The following DNAJC2 variants were observed in gnomAD, a reference collection of about 807,000 sequenced individuals.
The protein encoded by DNAJC2 is DnaJ heat shock protein family (Hsp40) member C2, also known as dnaJ homolog subfamily C member 2.
DNAJC2 carries 32 observed loss-of-function variants against 94.0 expected under a neutral mutation model. The ratio of observed to expected loss-of-function variants is 0.34; its 90% CI spans 0.26 to 0.46. The LOEUF (loss-of-function observed/expected upper bound fraction) is 0.46. Ranked by LOEUF, DNAJC2 falls within the 20% of genes least tolerant of loss-of-function variation. The pLI is 1.00. For missense variants in DNAJC2, 550 were observed against 719.5 expected, an observed-to-expected ratio of 0.76 and a Z score of 2.69; for synonymous variants, 210 against 229.7, an observed-to-expected ratio of 0.91 and a Z score of 0.77.
chr7:103,330,841 C>CAA (rs1818940249), intron 3 of DNAJC2, among the ~76,000 whole-genome samples: 1 of 151,936 alleles, frequency 6.6e-6, no homozygotes, highest in South Asian at 2.1e-4. Flanking sequence ...CCTGGCCTCC[C>CAA]AAAGTGCTAG....
At chr7:103,326,783 T>G in intron 4 of DNAJC2, 99 bp from the exon 5 acceptor site, 1 of 1,255,794 alleles carries the variant, frequency 8.0e-7, no homozygotes. Flanking sequence ...AAGTCATTAA[T>G]TTTCATATTT....
chr7:103,325,700 C>T (rs1490147365), intron 5 of DNAJC2, among the ~76,000 whole-genome samples: 1 of 152,086 alleles, frequency 6.6e-6, no homozygotes, highest in Non-Finnish European at 1.5e-5. Context: ...TTTAAGGGAA[C>T]CTGCCAATGC....
At chr7:103,320,000 C>T (rs922030299) in intron 10 of DNAJC2, among the ~76,000 whole-genome samples, 156 bp from the exon 11 acceptor site, 5 of 152,188 alleles carry the variant, frequency 3.3e-5, no homozygotes, top group African/African-American at 9.7e-5. Context: ...CGCCACTGCA[C>T]TCCAGCCTGG....
chr7:103,337,808 G>C lies in DNAJC2; in HGVS notation c.259C>G (p.Gln87Glu). The C allele has an allele frequency of 1.2e-6, 2 of 1,611,248 alleles. No individual in the cohort carries two copies. The highest frequency in any genetic ancestry group is 1.7e-6 in the Non-Finnish European group (2 of 1,179,144). Residue 87 changes from glutamine (Q) to glutamate (E), a missense_variant, in exon 3 of 17, where the codon CAA (glutamine) becomes GAA (glutamate). Transcript: ENST00000379263. ...KTLDPKDWKNQDHYAVLGLGH... is the reference protein window; with the variant it reads ...KTLDPKDWKNEDHYAVLGLGH... ...AGTCCAAGAACTGCATAATGATCTT[G>C]GTTCTGGAAAAAAAACACAAAAGGG... is the stretch of plus-strand genomic sequence containing the variant.
chr7:103,316,693 C>T (rs1472229688), intron 13 of DNAJC2, 137 bp downstream of exon 13: 5 of 722,222 alleles, frequency 6.9e-6, no homozygotes, highest in Non-Finnish European at 1.1e-5. Flanking sequence ...ATGCACCTCA[C>T]TTTTCACACT....
chr7:103,343,551 T>C (rs888627666), intron 1 of DNAJC2, among the ~76,000 whole-genome samples: 4 of 152,136 alleles, frequency 2.6e-5, no homozygotes, highest in African/African-American at 9.7e-5. Flanking sequence ...ACAATACCTA[T>C]TTATCTCATT....
At chr7:103,323,053 C>T (rs985581813) in intron 7 of DNAJC2, among the ~76,000 whole-genome samples, 2 of 151,994 alleles carry the variant, frequency 1.3e-5, no homozygotes, top group South Asian at 2.1e-4. Context: ...CCTCAGCCTC[C>T]GGAGTAGCTG....
At chr7:103,320,441 G>GT (rs1554566542) in intron 10 of DNAJC2, among the ~76,000 whole-genome samples, 1 of 151,876 alleles carries the variant, frequency 6.6e-6, no homozygotes, top group African/African-American at 2.4e-5. Context: ...AACCCTGATA[G>GT]TTTTTTTCTA....
At chr7:103,344,090 T>A (rs1393285635) in intron 1 of DNAJC2, among the ~76,000 whole-genome samples, 1 of 152,148 alleles carries the variant, frequency 6.6e-6, no homozygotes, top group African/African-American at 2.4e-5. Flanking sequence ...ACACCGAGTA[T>A]GAGGAGCGGT....
intron 3 of DNAJC2, among the ~76,000 whole-genome samples, chr7:103,334,375 A>T (rs1819086036): frequency 6.6e-6 from 1 of 151,646 alleles, no homozygotes; most frequent in Non-Finnish European, 1.5e-5. Context: ...CAGCCTGGTC[A>T]ACGTGGTGAA....
chr7:103,312,349 T>C lies in DNAJC2; in HGVS notation c.*220A>G, dbSNP rs1194027086. 6.3e-6 allele frequency: 10 copies of C among 1,576,732 alleles called. No individual in the cohort carries two copies. The East Asian group carries it at 2.0e-4, about 32-fold the overall frequency. On this transcript the variant is annotated 3_prime_UTR_variant, in exon 17 of 17. Transcript: ENST00000379263. ...AGAAAAATAAAAATGAACATGTATATACATTTGGAAATTTGAATTAAATAC... is the reference window on the plus strand; with the variant it reads ...AGAAAAATAAAAATGAACATGTATACACATTTGGAAATTTGAATTAAATAC...
rs1350058069 is a variant in DNAJC2, at chr7:103,322,633, C to CT, written c.812-2dup. 6.2e-7 allele frequency: 1 copy of CT among 1,612,896 alleles called. No individual in the cohort carries two copies. Among genetic ancestry groups the CT allele is most frequent in the African/African-American group, 1.3e-5 (1 of 74,810 alleles). On this transcript the variant is annotated splice_acceptor_variant, in intron 8 of 16. Coordinates refer to ENST00000379263, the MANE Select transcript of DNAJC2 (RefSeq NM_014377.3). LOFTEE classifies it high-confidence loss of function. ...CTTGGATCACAGCTGTATGCATTGTCTAGCAAAAGAAAAAGTTAATCTCAT... is the reference window on the plus strand; with the variant it reads ...CTTGGATCACAGCTGTATGCATTGTCTTAGCAAAAGAAAAAGTTAATCTCAT...
chr7:103,338,421 C>T (rs972633966), intron 2 of DNAJC2, among the ~76,000 whole-genome samples: 3 of 148,740 alleles, frequency 2.0e-5, no homozygotes, highest in Admixed American at 1.3e-4. Flanking sequence ...CTCAGCCTTC[C>T]AAGTTGCTGG....
chr7:103,321,527 A>C (rs1335257353), intron 10 of DNAJC2, among the ~76,000 whole-genome samples: 1 of 151,742 alleles, frequency 6.6e-6, no homozygotes, highest in Non-Finnish European at 1.5e-5. Context: ...CAAATAAATA[A>C]ATAAATAAAA....
chr7:103,316,707 C>G, intron 13 of DNAJC2, 123 bp downstream of exon 13: 1 of 819,086 alleles, frequency 1.2e-6, no homozygotes, highest in South Asian at 1.8e-5. Flanking sequence ...TCACACTTTT[C>G]TGCTGTGGCA....
chr7:103,321,154 C>T (rs779089797), intron 10 of DNAJC2, among the ~76,000 whole-genome samples: 2 of 151,538 alleles, frequency 1.3e-5, no homozygotes, highest in African/African-American at 2.4e-5. Flanking sequence ...GCCGAGATGG[C>T]GCCACTGCAC....
chr7:103,330,376 C>T (rs1818917044), intron 3 of DNAJC2, among the ~76,000 whole-genome samples: 1 of 152,078 alleles, frequency 6.6e-6, no homozygotes, highest in African/African-American at 2.4e-5. Context: ...TAGTCTTAAC[C>T]TCCCCGGCTC....
intron 10 of DNAJC2, 97 bp downstream of exon 10, chr7:103,321,835 G>T: frequency 1.4e-6 from 2 of 1,399,870 alleles, no homozygotes; most frequent in Admixed American, 1.9e-5. Context: ...GCGACAGAGC[G>T]AGACCCCATC....
At chr7:103,313,654 G>A in intron 15 of DNAJC2, 1 of 985,416 alleles carries the variant, frequency 1.0e-6, no homozygotes, top group South Asian at 4.7e-5. Context: ...TTGTAGTGTG[G>A]TGTTCTCTTC....
Sources: gnomAD v4.1 joint callset for allele counts (sites outside exome capture counted in the v4.1 genomes callset) on GRCh38, gnomAD v4.1.1 for gene constraint, MANE v1.5 for transcripts, NCBI Gene and HGNC (gene_info 2026-07-23, HGNC 2026-07-21) for gene names.